CD27: variants seen among roughly 807,000 people sequenced by gnomAD.
CD27 encodes CD27 antigen.
A neutral mutation model predicts 25.9 loss-of-function variants in CD27; 16 were observed. The ratio of observed to expected loss-of-function variants is 0.62; its 90% CI spans 0.42 to 0.94. The LOEUF is 0.94. Ranked by LOEUF, CD27 falls within the 40% of genes least tolerant of loss-of-function variation. CD27 has a pLI of 0.00. For synonymous variants in CD27, 142 were observed against 124.3 expected (o/e 1.14, Z -0.95); for missense variants, 300 against 333.2 (o/e 0.90, Z 0.78).
At position 6,449,270 on chromosome 12, in the gene CD27, T is replaced by C. The variant is rs1313602214; in HGVS notation, c.269-903T>C. Among the ~76,000 whole-genome samples, 5 of 151,610 alleles carry C rather than the reference T, an allele frequency of 3.3e-5. 1 individual carries two copies. The highest frequency in any genetic ancestry group is 3.3e-4 in the Admixed American group (5 of 15,224). On this transcript the variant is annotated intron_variant, in intron 2 of 5. Coordinates refer to ENST00000266557, the MANE Select transcript of CD27 (RefSeq NM_001242.5). Reference sequence around the variant, plus strand: ...CCTCAACCTCCCAAAGTGCTGGGATTACAGGCGTAAGCCACTGCACCTGGC... The same window carrying C: ...CCTCAACCTCCCAAAGTGCTGGGATCACAGGCGTAAGCCACTGCACCTGGC...
chr12:6,450,756 G>C lies in CD27; in HGVS notation c.538+126G>C. ...GGGAAAAAGCAGAGTCCACTGTTTA[G>C]GAGAGGAGTTGGCCAACGGTGGCGG... On this transcript the variant is annotated intron_variant, in intron 4 of 5. Transcript: ENST00000266557. This position sits in a 1 kb window ranked among gnomAD's most constrained non-coding sequence, Gnocchi z 4.1. 7.0e-7 allele frequency: 1 copy of C among 1,422,908 alleles called. No homozygotes were observed. The highest frequency in any genetic ancestry group is 9.8e-7 in the Non-Finnish European group (1 of 1,023,348). 88.1% of individuals were successfully genotyped at this position (1,422,908 alleles called of 1,614,324 possible).
rs190599386 is a variant in CD27, at chr12:6,449,197, A to T, written c.269-976A>T. On this transcript the variant is annotated intron_variant, in intron 2 of 5. Transcript: ENST00000266557. The stretch of plus-strand genomic sequence containing the variant: ...TTTTTTGTAGAGACGGGGTTTCACC[A>T]TGTTGGCCAGGCTGGTCTCAAACTC... 7.9e-5 allele frequency among the ~76,000 whole-genome samples: 12 copies of T among 151,804 alleles called. No individual in the cohort carries two copies. The East Asian group carries it at 2.1e-3, about 27-fold the overall frequency.
rs1949523187 is a variant in CD27 at position 6,450,733 on chromosome 12, G to A, written c.538+103G>A. 2.8e-6 allele frequency: 4 copies of A among 1,418,418 alleles called. No individual in the cohort carries two copies. In the Admixed American group the frequency reaches 5.4e-5, roughly 19 times the overall value. The allele number at this position is 1,418,418 out of a possible 1,614,324, so 87.9% of individuals were successfully genotyped here. On this transcript the variant is annotated intron_variant, in intron 4 of 5. Coordinates refer to ENST00000266557, the MANE Select transcript of CD27 (RefSeq NM_001242.5). This position sits in a 1 kb window ranked among gnomAD's most constrained non-coding sequence, Gnocchi z 4.1. ...CCTAGGATTAGGGATAAGAGGAGGG[G>A]AAAAAGCAGAGTCCACTGTTTAGGA...
rs761504128 is a variant in CD27 at position 6,451,388 on chromosome 12, CCT to C, written c.780_781del (p.Ter261SerfsTer61). On this transcript the variant is annotated frameshift_variant and stop_lost, in exon 6 of 6. Coordinates refer to ENST00000266557, the MANE Select transcript of CD27 (RefSeq NM_001242.5). LOFTEE classifies it high-confidence loss of function. ...CGAAAACCGGAGCCTGCCTGCTCCC[CCT>C]GAGCCAGCACCTGCGGGAGCTGCAC... 8 of 1,612,616 alleles carry C rather than the reference CCT, an allele frequency of 5.0e-6. No individual in the cohort carries two copies. The African/African-American group carries it at 8.0e-5, about 16-fold the overall frequency.
Position 6,450,201 on chromosome 12 carries a change from T to C in CD27, c.297T>C (p.Thr99=). 1 of 1,613,388 alleles carries C rather than the reference T, an allele frequency of 6.2e-7. No homozygotes were observed. Among genetic ancestry groups the C allele is most frequent in the South Asian group, 1.1e-5 (1 of 91,086 alleles). Residue 99 remains threonine, a synonymous_variant, in exon 3 of 6, where the codon ACT becomes ACC. Transcript: ENST00000266557. The surrounding 1 kb of genome is among the most constrained non-coding windows in gnomAD (Gnocchi z 4.1). ...TTCTCGTTCGCAACTGCACCATCAC[T>C]GCCAATGCTGAGTGTGCCTGTCGCA... The part of the protein sequence containing the change: ...SGLLVRNCTI[T]ANAECACRNG...
chr12:6,446,330 C>T (rs1325598276), intron 2 of CD27, among the ~76,000 whole-genome samples: 1 of 152,186 alleles, frequency 6.6e-6, no homozygotes. Context: ...GAGACAAGGT[C>T]TAGCTCTGTC....
intron 2 of CD27, among the ~76,000 whole-genome samples, chr12:6,446,475 A>G (rs1949418264): frequency 6.6e-6 from 1 of 152,262 alleles, no homozygotes. Context: ...TCCCGTAAAA[A>G]CAAAAACAAA....
In CD27 at chr12:6,450,606, C is replaced by A; in HGVS notation, c.514C>A (p.Arg172=). The part of the protein sequence containing the change: ...TLADFRQLPA[R]TLSTHWPPQR... ...GGCTGACTTCAGGCAGCTGCCTGCC[C>A]GGACTCTCTCTACCCACTGGCCACG... Residue 172 remains arginine, a synonymous_variant, in exon 4 of 6, where the codon CGG becomes AGG. Transcript: ENST00000266557. This position sits in a 1 kb window ranked among gnomAD's most constrained non-coding sequence, Gnocchi z 4.1. 1 of 1,612,796 alleles carries A rather than the reference C, an allele frequency of 6.2e-7. No homozygotes were observed. The highest frequency in any genetic ancestry group is 8.5e-7 in the Non-Finnish European group (1 of 1,179,984).
At chr12:6,449,766 C>T (rs1949485715) in intron 2 of CD27, among the ~76,000 whole-genome samples, 2 of 151,982 alleles carry the variant, frequency 1.3e-5, no homozygotes, top group Non-Finnish European at 2.9e-5. Context: ...AGGAGAATTG[C>T]TTGAACCCGG....
chr12:6,445,614 C>G lies in CD27; in HGVS notation c.268+59C>G. The G allele has an allele frequency of 6.3e-7, 1 of 1,584,810 alleles. No homozygotes were observed. Among genetic ancestry groups the G allele is most frequent in the Non-Finnish European group, 8.6e-7 (1 of 1,167,514 alleles). On this transcript the variant is annotated intron_variant, in intron 2 of 5. Transcript: ENST00000266557. This position sits in a 1 kb window ranked among gnomAD's most constrained non-coding sequence, Gnocchi z 4.5. The stretch of plus-strand genomic sequence containing the variant: ...TGGACAAGCATCTGGGGGAGCAAGG[C>G]TGGTGACGGGTTTGGGGGTGCAAGG...
At position 6,450,928 on chromosome 12, in the gene CD27, G is replaced by T; in HGVS notation, c.572G>T (p.Arg191Leu). 6.2e-7 allele frequency: 1 copy of T among 1,614,024 alleles called. No homozygotes were observed. The highest frequency in any genetic ancestry group is 8.5e-7 in the Non-Finnish European group (1 of 1,179,968). ...TCCCTGTGCAGCTCCGATTTTATTC[G>T]CATCCTTGTGATCTTCTCTGGAATG... is the stretch of plus-strand genomic sequence containing the variant. ...QRSLCSSDFI[R>L]ILVIFSGMFL... Residue 191 changes from arginine to leucine, a missense_variant, in exon 5 of 6, where the codon CGC (arginine) becomes CTC (leucine). Arg to Leu is a moderately radical substitution (Grantham distance 102). Transcript: ENST00000266557. The surrounding 1 kb of genome is among the most constrained non-coding windows in gnomAD (Gnocchi z 4.1).
chr12:6,446,298 G>A (rs1229552551), intron 2 of CD27, among the ~76,000 whole-genome samples: 1 of 152,146 alleles, frequency 6.6e-6, no homozygotes, highest in Non-Finnish European at 1.5e-5. Context: ...TCTTGGTACT[G>A]GGTTTTGTTT....
upstream of CD27, among the ~76,000 whole-genome samples, chr12:6,444,671 G>GGT (rs1303800162): frequency 7.1e-6 from 1 of 140,096 alleles, no homozygotes; most frequent in African/African-American, 2.6e-5. Flanking sequence ...GGGTGGGGGG[G>GGT]GGTAACGTGG....
Position 6,450,385 on chromosome 12 carries a change from T to TG in CD27, c.448+37dup, listed in dbSNP as rs1465709725. 2.5e-6 allele frequency: 4 copies of TG among 1,599,162 alleles called. No individual in the cohort carries two copies. Among genetic ancestry groups the TG allele is most frequent in the African/African-American group, 2.7e-5 (2 of 74,792 alleles). Reference sequence around the variant, plus strand: ...CCAGGCAACTCTCTGTGCCATCACGTGGGGTAGCGGTGATACCCCAACCAG... The same window carrying TG: ...CCAGGCAACTCTCTGTGCCATCACGTGGGGGTAGCGGTGATACCCCAACCAG... On this transcript the variant is annotated intron_variant, in intron 3 of 5. Coordinates refer to ENST00000266557, the MANE Select transcript of CD27 (RefSeq NM_001242.5). This position sits in a 1 kb window ranked among gnomAD's most constrained non-coding sequence, Gnocchi z 4.1.
rs1216776583 is a variant in CD27, at chr12:6,450,876, G to A, written c.539-19G>A. 1 of 1,614,050 alleles carries A rather than the reference G, an allele frequency of 6.2e-7. No individual in the cohort carries two copies. Among genetic ancestry groups the A allele is most frequent in the East Asian group, 2.2e-5 (1 of 44,884 alleles). ...GGCTAGACCCTCCCCTAACCCCTGT[G>A]TGTCCCCTCCTATTACAGCCCAAAG... On this transcript the variant is annotated intron_variant, in intron 4 of 5. Transcript: ENST00000266557. This position sits in a 1 kb window ranked among gnomAD's most constrained non-coding sequence, Gnocchi z 4.1.
rs568392656 is a variant in CD27, at chr12:6,450,004, G to T, written c.269-169G>T. On this transcript the variant is annotated intron_variant, in intron 2 of 5. Transcript: ENST00000266557. This position sits in a 1 kb window ranked among gnomAD's most constrained non-coding sequence, Gnocchi z 4.1. Reference sequence around the variant, plus strand: ...TTTAATAACAATAATAATGGCAAAGGCATTGGGGGACCGTGAGCAAAGGGC... The same window carrying T: ...TTTAATAACAATAATAATGGCAAAGTCATTGGGGGACCGTGAGCAAAGGGC... Among the ~76,000 whole-genome samples, 2 of 152,164 alleles carry T rather than the reference G, an allele frequency of 1.3e-5. No individual in the cohort carries two copies. The highest frequency in any genetic ancestry group is 2.1e-4 in the South Asian group (1 of 4,818).
At chr12:6,444,880 G>A, upstream of CD27, 1 of 536,848 alleles carries the variant, frequency 1.9e-6, no homozygotes, top group South Asian at 2.4e-5. Context: ...ACTCTCCCCA[G>A]CACACGGAAG....
In CD27 at chr12:6,445,628, G is replaced by A. The variant is rs1037725682; in HGVS notation, c.268+73G>A. 3.2e-6 allele frequency: 5 copies of A among 1,551,304 alleles called. No homozygotes were observed. Among genetic ancestry groups the A allele is most frequent in the African/African-American group, 1.4e-5 (1 of 73,932 alleles). On this transcript the variant is annotated intron_variant, in intron 2 of 5. Coordinates refer to ENST00000266557, the MANE Select transcript of CD27 (RefSeq NM_001242.5). This position sits in a 1 kb window ranked among gnomAD's most constrained non-coding sequence, Gnocchi z 4.5. ...GGGGAGCAAGGCTGGTGACGGGTTT[G>A]GGGGTGCAAGGAGGATGACGGGGCC...
At position 6,451,008 on chromosome 12, in the gene CD27, A is replaced by C; in HGVS notation, c.652A>C (p.Arg218=). ...GTTCCTCCATCAACGAAGGAAATAT[A>C]GATCAAGTAAGAGACAGAACACAGG... ...ALFLHQRRKY[R]SNKGESPVEP... The change falls in exon 5 of 6, where the codon AGA becomes CGA. Residue 218 remains arginine, a synonymous_variant. Transcript: ENST00000266557. 1 of 1,614,128 alleles carries C rather than the reference A, an allele frequency of 6.2e-7. No homozygotes were observed. Among genetic ancestry groups the C allele is most frequent in the Non-Finnish European group, 8.5e-7 (1 of 1,180,004 alleles).
Sources: gnomAD v4.1 joint callset for allele counts (sites outside exome capture counted in the v4.1 genomes callset) on GRCh38, gnomAD v4.1.1 for gene constraint, Gnocchi (gnomAD v3.1) non-coding constraint, MANE v1.5 for transcripts, NCBI Gene and HGNC (gene_info 2026-07-23, HGNC 2026-07-21) for gene names.